Variants in MTMR7 observed in about 807,000 individuals in gnomAD.
MTMR7 encodes the protein phosphatidylinositol-3-phosphate phosphatase MTMR7.
MTMR7 carries 76 observed loss-of-function variants against 81.2 expected under a neutral mutation model. The ratio of observed to expected loss-of-function variants is 0.94; its 90% CI spans 0.78 to 1.13. The LOEUF (loss-of-function observed/expected upper bound fraction) is 1.13, where lower values mean the gene tolerates loss of function less well. Among genes scored for constraint, MTMR7 ranks in the 50% most tolerant of loss-of-function variants. The probability of loss-of-function intolerance (pLI) is 0.00; values close to 1 mark genes in which losing one functional copy is unlikely to be tolerated. For missense variants in MTMR7, 1,044 were observed against 820.0 expected (o/e 1.27, Z -3.34); for synonymous variants, 372 against 289.8 (o/e 1.28, Z -2.88).
Position 17,397,722 on chromosome 8 carries a change from G to A in MTMR7, c.24+15547C>T, listed in dbSNP as rs7018064. ...ATGGTGGAGCCCTAGGGCCTTAAGT[G>A]AACTTTGGAAGTAGCCAGGTAGTGG... On this transcript the variant is annotated intron_variant, in intron 1 of 13. Coordinates refer to ENST00000180173, the MANE Select transcript of MTMR7 (RefSeq NM_004686.5). 7.9e-3 allele frequency among the ~76,000 whole-genome samples: 1,205 copies of A among 152,240 alleles called. 18 individuals carry two copies. Among genetic ancestry groups the A allele is most frequent in the African/African-American group, 0.028 (1,166 of 41,550 alleles).
At chr8:17,312,539 C>T (rs1817841171) in intron 8 of MTMR7, among the ~76,000 whole-genome samples, 1 of 140,976 alleles carries the variant, frequency 7.1e-6, no homozygotes, top group Admixed American at 7.6e-5. Flanking sequence ...CGTGCCACTG[C>T]ACTCCAGCCT....
chr8:17,396,633 A>G (rs1821261072), intron 1 of MTMR7, among the ~76,000 whole-genome samples: 1 of 152,034 alleles, frequency 6.6e-6, no homozygotes, highest in Non-Finnish European at 1.5e-5. Context: ...TCCTCGGTAA[A>G]TCTGAAAGGC....
At chr8:17,301,143 G>A (rs894026331) in intron 13 of MTMR7, among the ~76,000 whole-genome samples, 1 of 152,214 alleles carries the variant, frequency 6.6e-6, no homozygotes, top group Non-Finnish European at 1.5e-5. Context: ...CTTAGGTTAT[G>A]TGCAAAAGCA....
At chr8:17,343,121 A>G (rs1260364611) in intron 5 of MTMR7, among the ~76,000 whole-genome samples, 1 of 152,122 alleles carries the variant, frequency 6.6e-6, no homozygotes, top group Non-Finnish European at 1.5e-5. Context: ...ATGATACTTT[A>G]TCCGGGTTAA....
rs889728060 is a variant in MTMR7, at chr8:17,299,801, T to C, written c.*61A>G. 21 of 1,585,860 alleles carry C rather than the reference T, an allele frequency of 1.3e-5. No homozygotes were observed. Among genetic ancestry groups the C allele is most frequent in the Non-Finnish European group, 1.7e-5 (20 of 1,164,272 alleles). ...CCTGTTTTTACAATAAACCACCTTG[T>C]TCCCTTGTTTTTGGAAGTGTTGCTT... On this transcript the variant is annotated 3_prime_UTR_variant, in exon 14 of 14. Transcript: ENST00000180173.
At chr8:17,395,658 G>C (rs926140807) in intron 1 of MTMR7, among the ~76,000 whole-genome samples, 3 of 152,176 alleles carry the variant, frequency 2.0e-5, no homozygotes, top group Non-Finnish European at 2.9e-5. Context: ...GTTCTGACCT[G>C]TATTTCCCTA....
chr8:17,399,292 T>C (rs1173410898), intron 1 of MTMR7, among the ~76,000 whole-genome samples: 1 of 152,138 alleles, frequency 6.6e-6, no homozygotes, highest in Non-Finnish European at 1.5e-5. Flanking sequence ...AGTTGCAAGA[T>C]ACGAAATCAA....
In MTMR7 at chr8:17,302,285, A is replaced by C. The variant is rs935829716; in HGVS notation, c.1494-5T>G. On this transcript the variant is annotated splice_polypyrimidine_tract_variant and splice_region_variant and intron_variant, in intron 12 of 13. Coordinates refer to ENST00000180173, the MANE Select transcript of MTMR7 (RefSeq NM_004686.5). ...TTATACATTCCACTCCAAAACCTGGAAAGGATGGCAAAGCGTCGTGATACC... is the reference window on the plus strand; with the variant it reads ...TTATACATTCCACTCCAAAACCTGGCAAGGATGGCAAAGCGTCGTGATACC... 5 of 1,612,078 alleles carry C rather than the reference A, an allele frequency of 3.1e-6. No homozygotes were observed. In the African/African-American group the frequency reaches 6.7e-5, roughly 22 times the overall value.
intron 1 of MTMR7, among the ~76,000 whole-genome samples, chr8:17,377,998 C>T (rs1820640186): frequency 2.0e-5 from 3 of 152,026 alleles, no homozygotes; most frequent in Non-Finnish European, 4.4e-5. Flanking sequence ...GATTATTCTC[C>T]CTACAGAAGT....
intron 1 of MTMR7, among the ~76,000 whole-genome samples, chr8:17,378,649 T>C (rs912412769): frequency 6.6e-6 from 1 of 152,244 alleles, no homozygotes; most frequent in Non-Finnish European, 1.5e-5. Context: ...GAGGTATTCA[T>C]ACTCTGAAAA....
chr8:17,353,464 A>G (rs562664188), intron 4 of MTMR7, among the ~76,000 whole-genome samples: 2 of 152,352 alleles, frequency 1.3e-5, no homozygotes, highest in African/African-American at 4.8e-5. Context: ...ATGAAAAAAG[A>G]AAAGGGAAAA....
intron 7 of MTMR7, among the ~76,000 whole-genome samples, chr8:17,324,316 C>T (rs1446294590): frequency 1.3e-5 from 2 of 152,202 alleles, no homozygotes; most frequent in Non-Finnish European, 2.9e-5. Context: ...GTACTTACTA[C>T]AAGCAGGTAT....
chr8:17,412,630 T>C (rs1334961852), intron 1 of MTMR7, among the ~76,000 whole-genome samples: 3 of 152,188 alleles, frequency 2.0e-5, no homozygotes, highest in Non-Finnish European at 2.9e-5. Context: ...AACACAACAG[T>C]GCGTGACGAA....
intron 4 of MTMR7, among the ~76,000 whole-genome samples, chr8:17,359,935 A>G (rs1458035719): frequency 6.6e-6 from 1 of 152,306 alleles, no homozygotes; most frequent in East Asian, 1.9e-4. Context: ...TGACATAAAA[A>G]TTATATTAAA....
At chr8:17,400,483 A>C (rs1209236868) in intron 1 of MTMR7, among the ~76,000 whole-genome samples, 2 of 152,198 alleles carry the variant, frequency 1.3e-5, no homozygotes, top group Admixed American at 1.3e-4. Context: ...TTAGGATCCC[A>C]GCGGCCTTAC....
intron 7 of MTMR7, among the ~76,000 whole-genome samples, chr8:17,327,335 A>G (rs1338515467): frequency 6.6e-6 from 1 of 152,196 alleles, no homozygotes; most frequent in Admixed American, 6.5e-5. Context: ...CAGTGGCACG[A>G]TCATGGCTTA....
Position 17,373,260 on chromosome 8 carries a change from GAA to G in MTMR7, c.25-22_25-21del. The stretch of plus-strand genomic sequence containing the variant: ...TTCAACCTAGAGAAATCGGCATGAT[GAA>G]AAGAGTTACCGTAAAGCAGAAGAGC... On this transcript the variant is annotated intron_variant, in intron 1 of 13. Transcript: ENST00000180173. 6.2e-7 allele frequency: 1 copy of G among 1,604,552 alleles called. No homozygotes were observed. The highest frequency in any genetic ancestry group is 8.5e-7 in the Non-Finnish European group (1 of 1,175,522).
At chr8:17,389,219 G>A (rs1342806307) in intron 1 of MTMR7, among the ~76,000 whole-genome samples, 1 of 152,182 alleles carries the variant, frequency 6.6e-6, no homozygotes, top group Non-Finnish European at 1.5e-5. Context: ...ACTGTCCTCT[G>A]AATTGCTGTG....
intron 4 of MTMR7, among the ~76,000 whole-genome samples, chr8:17,359,707 T>C (rs79093983): frequency 3.3e-5 from 5 of 151,478 alleles, no homozygotes; most frequent in Admixed American, 1.3e-4. Flanking sequence ...TCAATCAATA[T>C]AGAAAAAGCT....
Sources: gnomAD v4.1 joint callset for allele counts (sites outside exome capture counted in the v4.1 genomes callset) on GRCh38, gnomAD v4.1.1 for gene constraint, MANE v1.5 for transcripts, NCBI Gene and HGNC (gene_info 2026-07-23, HGNC 2026-07-21) for gene names.